Variants in STS observed in about 807,000 individuals in gnomAD.
STS encodes steryl-sulfatase.
In STS, 7 loss-of-function variants were observed where a neutral mutation model predicts 26.8. That is an observed-to-expected ratio of 0.26 (90% CI 0.15 to 0.49). STS has a LOEUF of 0.49. STS is among the 20% of genes least tolerant of loss of function. STS has a pLI of 0.98. For missense variants in STS, 434 were observed against 465.6 expected (o/e 0.93, Z 0.63); for synonymous variants, 199 against 189.4 (o/e 1.05, Z -0.42).
intron 2 of STS, among the ~76,000 whole-genome samples, chrX:7,247,395 G>A (rs769914133): frequency 3.6e-5 from 4 of 111,298 alleles, no homozygotes; most frequent in Admixed American, 9.5e-5. Flanking sequence ...AAGTACCCCC[G>A]GACTGCCAGT....
At chrX:7,181,247 T>C (rs1279479289) in intron 1 of STS, among the ~76,000 whole-genome samples, 1 of 112,512 alleles carries the variant, frequency 8.9e-6, no homozygotes, top group Admixed American at 9.4e-5. Flanking sequence ...TGTACATGTA[T>C]CCACTTAATC....
chrX:7,247,045 GTGTGTA>G (rs1922918972), intron 2 of STS, among the ~76,000 whole-genome samples: 1 of 112,198 alleles, frequency 8.9e-6, no homozygotes. Context: ...ATATGTGTGT[GTGTGTA>G]TGTGTGTGTG....
intron 6 of STS, among the ~76,000 whole-genome samples, chrX:7,273,079 G>T (rs1924363543): frequency 9.0e-6 from 1 of 111,519 alleles, no homozygotes; most frequent in Non-Finnish European, 1.9e-5. Context: ...GAACCCAGGA[G>T]GTAGAGGTTG....
chrX:7,280,250 G>C (rs1465330621), intron 7 of STS, among the ~76,000 whole-genome samples: 1 of 111,530 alleles, frequency 9.0e-6, no homozygotes, highest in Non-Finnish European at 1.9e-5. Flanking sequence ...AGGATAGTAA[G>C]AAATTTAAGA....
intron 1 of STS, among the ~76,000 whole-genome samples, chrX:7,171,173 G>C (rs1376011622): frequency 1.8e-5 from 2 of 111,686 alleles, no homozygotes; most frequent in African/African-American, 6.5e-5. Context: ...AATCTATAGG[G>C]GCAGTTCGGC....
intron 1 of STS, among the ~76,000 whole-genome samples, chrX:7,168,556 G>A (rs1217473697): frequency 2.5e-4 from 28 of 111,618 alleles, no homozygotes; most frequent in Non-Finnish European, 1.1e-4. Flanking sequence ...CCCTCATAAT[G>A]TGTGGGCAGG....
chrX:7,198,918 T>G (rs1381465276), intron 2 of STS, among the ~76,000 whole-genome samples: 1 of 105,421 alleles, frequency 9.5e-6, no homozygotes. Flanking sequence ...TGGCAGCAAG[T>G]TTTTTTTTTT....
intron 2 of STS, among the ~76,000 whole-genome samples, chrX:7,193,849 C>G (rs1379097263): frequency 9.0e-6 from 1 of 111,470 alleles, no homozygotes; most frequent in Non-Finnish European, 1.9e-5. Flanking sequence ...CTTATATTGT[C>G]TGTAGTTTTC....
intron 1 of STS, among the ~76,000 whole-genome samples, chrX:7,157,979 C>A (rs1458161005): frequency 8.9e-6 from 1 of 112,258 alleles, no homozygotes; most frequent in Non-Finnish European, 1.9e-5. Flanking sequence ...GGATCTCTGG[C>A]CTCACAGCAA....
At chrX:7,155,255 A>G (rs974819564) in intron 1 of STS, among the ~76,000 whole-genome samples, 3 of 111,867 alleles carry the variant, frequency 2.7e-5, no homozygotes, top group African/African-American at 6.5e-5. Context: ...ATCTCCTTCA[A>G]ACACACTTTA....
At chrX:7,288,916 T>C (rs1206619825) in intron 7 of STS, among the ~76,000 whole-genome samples, 1 of 111,680 alleles carries the variant, frequency 9.0e-6, no homozygotes. Flanking sequence ...CCCAGTAGTC[T>C]CTTCCCATGA....
chrX:7,161,836 C>T (rs1478570333), intron 1 of STS, among the ~76,000 whole-genome samples: 1 of 111,814 alleles, frequency 8.9e-6, no homozygotes, highest in Non-Finnish European at 1.9e-5. Context: ...TCAAGGAACA[C>T]ATGACAATGC....
At chrX:7,230,229 T>C (rs1362296724) in intron 2 of STS, among the ~76,000 whole-genome samples, 1 of 111,211 alleles carries the variant, frequency 9.0e-6, no homozygotes, top group East Asian at 2.8e-4. Context: ...ATGATTTTAA[T>C]TGGAAGCCTC....
chrX:7,187,928 C>A (rs765395775), intron 1 of STS, among the ~76,000 whole-genome samples: 6 of 111,475 alleles, frequency 5.4e-5, no homozygotes, highest in African/African-American at 2.0e-4. Flanking sequence ...AATGGCCAAG[C>A]AAATGGCAGT....
In STS at chrX:7,277,283, C is replaced by T. The variant is rs1317958612; in HGVS notation, c.943+1196C>T. ...ATTTGTTTCCTTTTACTTTTTCTCT[C>T]TCTCATTCTTCCTTCCATTTCTTTT... On this transcript the variant is annotated intron_variant, in intron 7 of 10. Transcript: ENST00000674429. Among the ~76,000 whole-genome samples the T allele has an allele frequency of 2.7e-5, 3 of 111,605 alleles. No individual in the cohort carries two copies. The Admixed American group carries it at 2.9e-4, about 11-fold the overall frequency.
At chrX:7,335,009 G>C (rs1927944728) in intron 10 of STS, among the ~76,000 whole-genome samples, 1 of 112,459 alleles carries the variant, frequency 8.9e-6, no homozygotes, top group Admixed American at 9.4e-5. Context: ...GTCTATCATT[G>C]TTGGACAATT....
chrX:7,152,861 G>C (rs193079772), intron 1 of STS, among the ~76,000 whole-genome samples: 4 of 112,717 alleles, frequency 3.5e-5, no homozygotes, highest in African/African-American at 1.3e-4. Context: ...ATAAAATGTA[G>C]CTTCCAGTTA....
At chrX:7,224,675 G>A (rs1921724550) in intron 2 of STS, among the ~76,000 whole-genome samples, 1 of 111,886 alleles carries the variant, frequency 8.9e-6, no homozygotes, top group Non-Finnish European at 1.9e-5. Context: ...CTGCAGAGCT[G>A]TGACAATAAA....
intron 9 of STS, among the ~76,000 whole-genome samples, chrX:7,330,226 A>G (rs1388109333): frequency 8.9e-6 from 1 of 112,173 alleles, no homozygotes; most frequent in African/African-American, 3.2e-5. Flanking sequence ...TCGAATATCT[A>G]AATGTATTAA....
Sources: gnomAD v4.1 joint callset for allele counts (sites outside exome capture counted in the v4.1 genomes callset) on GRCh38, gnomAD v4.1.1 for gene constraint, MANE v1.5 for transcripts, NCBI Gene and HGNC (gene_info 2026-07-23, HGNC 2026-07-21) for gene names.